KIAA1755: variants seen among roughly 807,000 people sequenced by gnomAD.
KIAA1755 encodes KIAA1755, also known as uncharacterized protein KIAA1755.
Under a neutral mutation model 91.7 loss-of-function variants are expected in KIAA1755, and 68 were observed. That is an observed-to-expected ratio of 0.74 (90% confidence interval 0.61 to 0.91). KIAA1755 has a LOEUF of 0.91. Among genes scored for constraint, KIAA1755 ranks in the 40% least tolerant of loss-of-function variants. The pLI is 0.00. For synonymous variants in KIAA1755, 610 were observed against 604.6 expected (o/e 1.01, Z -0.13); for missense variants, 1,535 against 1,494.4 (o/e 1.03, Z -0.45).
chr20:38,251,150 C>T (rs1271705581), intron 1 of KIAA1755, among the ~76,000 whole-genome samples: 3 of 151,878 alleles, frequency 2.0e-5, no homozygotes, highest in Admixed American at 6.6e-5. Context: ...ACAATGAAAA[C>T]GAATAGTACC....
intron 13 of KIAA1755, among the ~76,000 whole-genome samples, chr20:38,214,956 C>T (rs552068304): frequency 6.6e-6 from 1 of 152,344 alleles, no homozygotes; most frequent in South Asian, 2.1e-4. Flanking sequence ...GCTTCATATT[C>T]GTGCAAGCAC....
intron 8 of KIAA1755, chr20:38,225,400 C>A (rs912685947): frequency 1.5e-5 from 7 of 472,574 alleles, no homozygotes; most frequent in Admixed American, 3.9e-5. Flanking sequence ...ATTATTATCC[C>A]CTGTTTAGCT....
At position 38,260,464 on chromosome 20, in the gene KIAA1755, G is replaced by A. The variant is rs750355513; in HGVS notation, c.3+34C>T. 1.3e-5 allele frequency: 20 copies of A among 1,514,608 alleles called. No individual in the cohort carries two copies. The South Asian group carries it at 2.3e-4, about 17-fold the overall frequency. 93.8% of individuals were successfully genotyped at this position (1,514,608 alleles called of 1,614,324 possible). ...GGAGGGCTGTGCCCACTGAAAGGGG[G>A]CAGAGCGAGGTGGTCCAGGCCTTGG... On this transcript the variant is annotated intron_variant, in intron 1 of 13. Transcript: ENST00000279024.
Position 38,213,321 on chromosome 20 carries a change from C to G in KIAA1755, c.3324G>C (p.Trp1108Cys), listed in dbSNP as rs776417747. 1.9e-6 allele frequency: 3 copies of G among 1,613,114 alleles called. No homozygotes were observed. Among genetic ancestry groups the G allele is most frequent in the Non-Finnish European group, 2.5e-6 (3 of 1,179,530 alleles). Reference sequence around the variant, plus strand: ...GTTCCCCTCTGGGGGGCCCAGGAGGCCAATAGGACTTTGGCAAATGGTCCA... The same window carrying G: ...GTTCCCCTCTGGGGGGCCCAGGAGGGCAATAGGACTTTGGCAAATGGTCCA... ...LGMDHLPKSYWPPGPPRGEQN... is the reference protein window; with the variant it reads ...LGMDHLPKSYCPPGPPRGEQN... The change falls in exon 14 of 14, where the codon TGG becomes TGC. Residue 1108 changes from tryptophan (W) to cysteine (C), a missense_variant. Physicochemically the swap from Trp to Cys is radical, Grantham distance 215. Transcript: ENST00000279024.
intron 13 of KIAA1755, chr20:38,216,899 TC>T (rs1274761202): frequency 1.9e-6 from 1 of 522,818 alleles, no homozygotes; most frequent in Non-Finnish European, 3.7e-6. Flanking sequence ...TGTCGTCATT[TC>T]TCTTCTCTTT....
intron 4 of KIAA1755, among the ~76,000 whole-genome samples, chr20:38,232,841 G>A (rs1193434614): frequency 6.6e-6 from 1 of 152,044 alleles, no homozygotes; most frequent in Non-Finnish European, 1.5e-5. Flanking sequence ...TAGGGGGCCG[G>A]GTGCAGTGGC....
intron 1 of KIAA1755, among the ~76,000 whole-genome samples, chr20:38,249,702 T>C (rs573709275): frequency 5.5e-5 from 8 of 144,928 alleles, no homozygotes; most frequent in East Asian, 2.2e-4. Context: ...TGAAATCACA[T>C]GTACCCAGGA....
At chr20:38,259,578 G>C (rs1390372953) in intron 1 of KIAA1755, among the ~76,000 whole-genome samples, 1 of 43,014 alleles carries the variant, frequency 2.3e-5, no homozygotes, top group Non-Finnish European at 4.2e-5. Flanking sequence ...GAATTCTTCT[G>C]CTTGTGGAGA....
chr20:38,241,714 T>C lies in KIAA1755; in HGVS notation c.417A>G (p.Pro139=), dbSNP rs750541093. 6.2e-7 allele frequency: 1 copy of C among 1,614,116 alleles called. No individual in the cohort carries two copies. Among genetic ancestry groups the C allele is most frequent in the African/African-American group, 1.3e-5 (1 of 74,936 alleles). The change falls in exon 3 of 14, where the codon CCA becomes CCG. Residue 139 remains proline (P), a synonymous_variant. Transcript: ENST00000279024. ...CTVDKKPVPE[P]AYPILFTQEW... ...CTTGGGTGAAAAGTATAGGGTAGGCTGGCTCTGGAACAGGCTTCTTGTCCA... is the reference window on the plus strand; with the variant it reads ...CTTGGGTGAAAAGTATAGGGTAGGCCGGCTCTGGAACAGGCTTCTTGTCCA...
rs1365673428 is a variant in KIAA1755 at position 38,245,975 on chromosome 20, A to T, written c.155T>A (p.Leu52Gln). The T allele has an allele frequency of 6.2e-7, 1 of 1,614,064 alleles. No individual in the cohort carries two copies. The highest frequency in any genetic ancestry group is 8.5e-7 in the Non-Finnish European group (1 of 1,180,022). Reference protein sequence around the residue: ...GDGLSFLLDFLIPAKRLCEQV... With the variant: ...GDGLSFLLDFQIPAKRLCEQV... ...CTCACACAGGCGCTTGGCAGGGATCAGGAAATCCAGAAGGAAGCTCAGCCC... is the reference window on the plus strand; with the variant it reads ...CTCACACAGGCGCTTGGCAGGGATCTGGAAATCCAGAAGGAAGCTCAGCCC... The change falls in exon 2 of 14, where the codon CTG (leucine) becomes CAG (glutamine). Residue 52 changes from leucine (L) to glutamine (Q), a missense_variant. Physicochemically the swap from Leu to Gln is moderately radical, Grantham distance 113. Transcript: ENST00000279024.
At chr20:38,224,450 C>A (rs1032520114) in intron 8 of KIAA1755, among the ~76,000 whole-genome samples, 4 of 152,160 alleles carry the variant, frequency 2.6e-5, no homozygotes, top group African/African-American at 9.7e-5. Flanking sequence ...CAAAAACACA[C>A]AATTTTAAAA....
At chr20:38,252,668 T>C (rs2076271441) in intron 1 of KIAA1755, among the ~76,000 whole-genome samples, 1 of 152,092 alleles carries the variant, frequency 6.6e-6, no homozygotes, top group Admixed American at 6.5e-5. Flanking sequence ...GAAGAAACTG[T>C]TTACCTCTCA....
At chr20:38,256,779 C>T (rs2076346793) in intron 1 of KIAA1755, among the ~76,000 whole-genome samples, 1 of 152,006 alleles carries the variant, frequency 6.6e-6, no homozygotes, top group South Asian at 2.1e-4. Context: ...CTCCATCCAG[C>T]CCAGGTGATG....
At chr20:38,221,027 G>A (rs560963051) in intron 10 of KIAA1755, among the ~76,000 whole-genome samples, 1 of 152,372 alleles carries the variant, frequency 6.6e-6, no homozygotes, top group Non-Finnish European at 1.5e-5. Flanking sequence ...ATGGAAGAGA[G>A]AAGATGGAAG....
At chr20:38,226,342 G>A (rs2075756126) in intron 7 of KIAA1755, among the ~76,000 whole-genome samples, 1 of 152,196 alleles carries the variant, frequency 6.6e-6, no homozygotes, top group African/African-American at 2.4e-5. Flanking sequence ...GGTGGATTCT[G>A]TGGTTTTTTT....
chr20:38,217,073 C>G, intron 13 of KIAA1755, 180 bp downstream of exon 13: 1 of 640,572 alleles, frequency 1.6e-6, no homozygotes, highest in Non-Finnish European at 2.8e-6. Context: ...GTGCCCCCAG[C>G]CAGGGGATGG....
Position 38,212,748 on chromosome 20 carries a change from C to T in KIAA1755, c.*294G>A, listed in dbSNP as rs530277925. 42 of 317,190 alleles carry T rather than the reference C, an allele frequency of 1.3e-4. No individual in the cohort carries two copies. Among genetic ancestry groups the T allele is most frequent in the African/African-American group, 6.2e-4 (30 of 48,356 alleles). 19.6% of individuals were successfully genotyped at this position (317,190 alleles called of 1,614,324 possible). ...GCGAGACCTCTGGAGGGGTCTGTGC[C>T]GACAGGTCTTTCCACAATGAGAGCC... On this transcript the variant is annotated 3_prime_UTR_variant, in exon 14 of 14. Transcript: ENST00000279024.
At chr20:38,227,444 T>G (rs1008002180) in intron 6 of KIAA1755, among the ~76,000 whole-genome samples, 1 of 152,256 alleles carries the variant, frequency 6.6e-6, no homozygotes, top group Admixed American at 6.5e-5. Flanking sequence ...AGGTTCAAGT[T>G]GTGTTGCAAA....
chr20:38,245,811 C>T (rs749321121), intron 2 of KIAA1755, 118 bp downstream of exon 2: 1 of 903,192 alleles, frequency 1.1e-6, no homozygotes, highest in Non-Finnish European at 1.7e-6. Context: ...AGTCCCCCCA[C>T]ACCCTCAGCT....
Sources: allele counts gnomAD v4.1 joint callset (sites outside exome capture counted in the v4.1 genomes callset), GRCh38; gene constraint gnomAD v4.1.1; transcripts MANE v1.5; gene names NCBI Gene and HGNC (gene_info 2026-07-23, HGNC 2026-07-21).